Variants in CNBD1 observed in about 807,000 individuals in gnomAD.
CNBD1 encodes cyclic nucleotide-binding domain-containing protein 1.
Under a neutral mutation model 54.4 loss-of-function variants are expected in CNBD1, and 71 were observed. The observed-to-expected ratio is 1.30, with a 90% CI of 1.08 to 1.59. The LOEUF is 1.59. CNBD1 is among the 40% of genes most tolerant of loss of function. The pLI, the probability that CNBD1 is intolerant of heterozygous loss-of-function variation, is 0.00. For missense variants in CNBD1, 659 were observed against 518.0 expected, an observed-to-expected ratio of 1.27 and a Z score of -2.64; for synonymous variants, 182 against 170.7, an observed-to-expected ratio of 1.07 and a Z score of -0.51.
chr8:87,340,507 C>G (rs923375867), intron 8 of CNBD1, among the ~76,000 whole-genome samples: 4 of 152,136 alleles, frequency 2.6e-5, no homozygotes, highest in Non-Finnish European at 4.4e-5. Context: ...CTTTCTCTCT[C>G]TTCTCCTTTG....
At chr8:87,379,095 T>A (rs908955172) in intron 10 of CNBD1, among the ~76,000 whole-genome samples, 10 of 151,476 alleles carry the variant, frequency 6.6e-5, no homozygotes, top group Non-Finnish European at 1.2e-4. Flanking sequence ...TCATGTCATC[T>A]GCAAACAGGG....
chr8:86,880,303 G>A (rs1009281033), intron 1 of CNBD1, among the ~76,000 whole-genome samples: 1 of 150,910 alleles, frequency 6.6e-6, no homozygotes, highest in Non-Finnish European at 1.5e-5. Context: ...TCCCTGTGCA[G>A]ACTCAACCAA....
chr8:87,272,599 A>G (rs1267212683), intron 6 of CNBD1, among the ~76,000 whole-genome samples: 1 of 151,960 alleles, frequency 6.6e-6, no homozygotes, highest in East Asian at 1.9e-4. Flanking sequence ...CTGTGATATT[A>G]AGCTCCCAAA....
At chr8:87,110,462 C>T (rs1033072764) in intron 4 of CNBD1, among the ~76,000 whole-genome samples, 3 of 152,216 alleles carry the variant, frequency 2.0e-5, no homozygotes, top group African/African-American at 7.2e-5. Context: ...CTCCAACATC[C>T]GAAGAGGCCT....
chr8:86,875,590 C>G (rs938788897), intron 1 of CNBD1, among the ~76,000 whole-genome samples: 1 of 152,072 alleles, frequency 6.6e-6, no homozygotes, highest in African/African-American at 2.4e-5. Flanking sequence ...AAATCTTGTG[C>G]ATTTCTTTTA....
Position 87,286,586 on chromosome 8 carries a change from G to A in CNBD1, c.957G>A (p.Met319Ile). 1 of 1,475,698 alleles carries A rather than the reference G, an allele frequency of 6.8e-7. No homozygotes were observed. Among genetic ancestry groups the A allele is most frequent in the Non-Finnish European group, 9.3e-7 (1 of 1,075,730 alleles). The allele number at this position is 1,475,698 out of a possible 1,614,324, so 91.4% of individuals were successfully genotyped here. A position where few individuals can be genotyped will look rare whatever the true frequency, so the allele number is the denominator to read the frequency against. Reference sequence around the variant, plus strand: ...TGCAAAAGTTGAAATTAATCCGTATGTGTCCTTATTATGAGGAATGGCCTA... The same window carrying A: ...TGCAAAAGTTGAAATTAATCCGTATATGTCCTTATTATGAGGAATGGCCTA... ...ENMQKLKLIR[M>I]CPYYEEWPTL... Residue 319 changes from methionine to isoleucine, a missense_variant, in exon 8 of 11, where the codon ATG becomes ATA. By Grantham distance (10) the Met-to-Ile change is conservative. Coordinates refer to ENST00000518476, the MANE Select transcript of CNBD1 (RefSeq NM_173538.3).
At chr8:87,304,313 A>T (rs1298194325) in intron 8 of CNBD1, among the ~76,000 whole-genome samples, 1 of 152,170 alleles carries the variant, frequency 6.6e-6, no homozygotes, top group Non-Finnish European at 1.5e-5. Flanking sequence ...GCCATAAAAA[A>T]TGATGAGTTC....
rs180872035 is a variant in CNBD1, at chr8:87,289,145, G to A, written c.1042+2474G>A. 2.0e-5 allele frequency among the ~76,000 whole-genome samples: 3 copies of A among 152,188 alleles called. No individual in the cohort carries two copies. The East Asian group carries it at 5.8e-4, about 29-fold the overall frequency. ...GTATGATTTCCAAGCATAATTATGT[G>A]TGTTTTGATCTTATTTTAAGAATGT... On this transcript the variant is annotated intron_variant, in intron 8 of 10. Transcript: ENST00000518476.
Position 87,014,146 on chromosome 8 carries a change from C to CA in CNBD1, c.431+74401dup, listed in dbSNP as rs377250640. On this transcript the variant is annotated intron_variant, in intron 4 of 10. Coordinates refer to ENST00000518476, the MANE Select transcript of CNBD1 (RefSeq NM_173538.3). The stretch of plus-strand genomic sequence containing the variant: ...AAGCACTCAAATCAAATACAGAAAA[C>CA]AAAAAAAAACCAGAAGAGTAGTCAA... 4.7e-3 allele frequency among the ~76,000 whole-genome samples: 692 copies of CA among 148,602 alleles called. 11 individuals carry two copies. The highest frequency in any genetic ancestry group is 0.028 in the Middle Eastern group (8 of 290).
intron 4 of CNBD1, among the ~76,000 whole-genome samples, chr8:86,990,618 G>A (rs1808723860): frequency 1.3e-5 from 2 of 152,216 alleles, no homozygotes; most frequent in Non-Finnish European, 2.9e-5. Context: ...TTGAAGTCAG[G>A]TAATGTGATT....
intron 3 of CNBD1, among the ~76,000 whole-genome samples, chr8:86,922,726 C>T (rs921452808): frequency 2.0e-5 from 3 of 152,048 alleles, no homozygotes; most frequent in South Asian, 2.1e-4. Context: ...AAGGTACTTT[C>T]GTTTTATGCT....
chr8:87,225,740 T>A (rs1274258366), intron 5 of CNBD1, among the ~76,000 whole-genome samples: 1 of 151,488 alleles, frequency 6.6e-6, no homozygotes, highest in African/African-American at 2.4e-5. Flanking sequence ...GGTATCAGAA[T>A]GATGCTGGCC....
intron 4 of CNBD1, among the ~76,000 whole-genome samples, chr8:86,963,709 C>A (rs900677508): frequency 2.0e-5 from 3 of 152,130 alleles, no homozygotes. Context: ...GGAGGCGGAC[C>A]TAGGTTGGAG....
chr8:87,388,682 G>A (rs775306559), intron 2 of CNBD1, among the ~76,000 whole-genome samples: 4 of 152,142 alleles, frequency 2.6e-5, no homozygotes, highest in South Asian at 2.1e-4. Context: ...ACAAGGAGGA[G>A]CTGGTACCAT....
chr8:87,402,633 G>A (rs1256566452), intron 2 of CNBD1, among the ~76,000 whole-genome samples: 1 of 152,000 alleles, frequency 6.6e-6, no homozygotes, highest in Non-Finnish European at 1.5e-5. Context: ...GATACACATT[G>A]TATCATGGTG....
At chr8:87,229,217 G>C (rs562080531) in intron 5 of CNBD1, among the ~76,000 whole-genome samples, 7 of 152,114 alleles carry the variant, frequency 4.6e-5, no homozygotes, top group Admixed American at 3.3e-4. Flanking sequence ...CTTCTGCATC[G>C]CTCAGGCTGG....
intron 2 of CNBD1, among the ~76,000 whole-genome samples, chr8:87,426,335 G>C (rs1462671990): frequency 1.3e-5 from 2 of 152,144 alleles, no homozygotes; most frequent in South Asian, 4.1e-4. Flanking sequence ...GGCCATCTTG[G>C]CTCTTCCCTG....
rs1228537586 is a variant in CNBD1, at chr8:87,163,671, AT to A, written c.432-42319del. Among the ~76,000 whole-genome samples, 6 of 151,720 alleles carry A rather than the reference AT, an allele frequency of 4.0e-5. No homozygotes were observed. The highest frequency in any genetic ancestry group is 1.5e-4 in the African/African-American group (6 of 41,362). On this transcript the variant is annotated intron_variant, in intron 4 of 10. Transcript: ENST00000518476. The surrounding 1 kb of genome is among the most constrained non-coding windows in gnomAD (Gnocchi z 4.5). ...TGTAGGTTGATTTTGTTTCCTGCAA[AT>A]TTATTGAATTTGCTTATTAGTTCTA...
intron 2 of CNBD1, among the ~76,000 whole-genome samples, chr8:86,896,734 C>G (rs1808853577): frequency 6.6e-6 from 1 of 152,090 alleles, no homozygotes; most frequent in Non-Finnish European, 1.5e-5. Flanking sequence ...TTGCAGCTTC[C>G]TGTCAGCTAG....
Sources: gnomAD v4.1 joint callset for allele counts (sites outside exome capture counted in the v4.1 genomes callset) on GRCh38, gnomAD v4.1.1 for gene constraint, Gnocchi (gnomAD v3.1) non-coding constraint, MANE v1.5 for transcripts, NCBI Gene and HGNC (gene_info 2026-07-23, HGNC 2026-07-21) for gene names.